Variants in RPGRIP1L observed in about 807,000 individuals in gnomAD.
RPGRIP1L encodes the protein protein fantom.
Under a neutral mutation model 160.4 loss-of-function variants are expected in RPGRIP1L, and 131 were observed. That is an observed-to-expected ratio of 0.82 (90% CI 0.71 to 0.94). The LOEUF (loss-of-function observed/expected upper bound fraction) is 0.94, where lower values mean the gene tolerates loss of function less well. Ranked by LOEUF, RPGRIP1L falls within the 40% of genes least tolerant of loss-of-function variation. RPGRIP1L has a pLI of 0.00. For synonymous variants in RPGRIP1L, 510 were observed against 515.8 expected (o/e 0.99, Z 0.15); for missense variants, 1,522 against 1,535.8 (o/e 0.99, Z 0.15).
chr16:53,675,168 CA>C, intron 6 of RPGRIP1L, 46 bp from the exon 7 acceptor site: 1 of 1,306,018 alleles, frequency 7.7e-7, no homozygotes, highest in Non-Finnish European at 1.1e-6. Flanking sequence ...GTAAAAAACG[CA>C]AGTTAGAAGA....
Position 53,658,791 on chromosome 16 carries a change from C to A in RPGRIP1L, c.1331G>T (p.Arg444Leu), listed in dbSNP as rs76600508. The change falls in exon 11 of 27, where the codon CGC becomes CTC. Residue 444 changes from arginine to leucine, a missense_variant. Arg to Leu is a moderately radical substitution (Grantham distance 102). Transcript: ENST00000647211. Reference protein sequence around the residue: ...QKQQLDELKKRIKLYNQENDI... With the variant: ...QKQQLDELKKLIKLYNQENDI... ...ATTCACCTGGTTGTACAATTTTATG[C>A]GTTTTTTAAGTTCATCAAGTTGTTG... 1 of 1,600,440 alleles carries A rather than the reference C, an allele frequency of 6.2e-7. No homozygotes were observed. Among genetic ancestry groups the A allele is most frequent in the Non-Finnish European group, 8.5e-7 (1 of 1,170,438 alleles).
chr16:53,640,951 C>A (rs371638076), intron 19 of RPGRIP1L, 82 bp downstream of exon 19: 6 of 960,580 alleles, frequency 6.2e-6, no homozygotes, highest in African/African-American at 1.6e-5. Flanking sequence ...CCATTTAAAT[C>A]AGGTAGGGAA....
intron 2 of RPGRIP1L, among the ~76,000 whole-genome samples, chr16:53,699,800 A>G (rs1006758082): frequency 1.4e-5 from 2 of 145,028 alleles, no homozygotes; most frequent in African/African-American, 5.4e-5. Context: ...CCTGGGCGAC[A>G]GAGCGAGACT....
rs751839339 is a variant in RPGRIP1L at position 53,664,864 on chromosome 16, A to G, written c.1243+6T>C. ...ATGAGTAAGGCAGTGGTTATTTCAAATGTACCTCTTTCAGTTTTTAATCTG... is the reference window on the plus strand; with the variant it reads ...ATGAGTAAGGCAGTGGTTATTTCAAGTGTACCTCTTTCAGTTTTTAATCTG... On this transcript the variant is annotated splice_donor_region_variant and intron_variant, in intron 10 of 26. Coordinates refer to ENST00000647211, the MANE Select transcript of RPGRIP1L (RefSeq NM_015272.5). The G allele has an allele frequency of 7.5e-6, 12 of 1,609,112 alleles. No individual in the cohort carries two copies. Among genetic ancestry groups the G allele is most frequent in the Non-Finnish European group, 1.0e-5 (12 of 1,179,722 alleles).
intron 22 of RPGRIP1L, among the ~76,000 whole-genome samples, chr16:53,629,521 T>G (rs977777067): frequency 6.6e-6 from 1 of 152,220 alleles, no homozygotes; most frequent in Non-Finnish European, 1.5e-5. Context: ...CTTCCATCCA[T>G]GGAGACTTCT....
intron 4 of RPGRIP1L, 22 bp downstream of exon 4, chr16:53,692,044 T>C: frequency 6.2e-7 from 1 of 1,611,686 alleles, no homozygotes; most frequent in Non-Finnish European, 8.5e-7. Context: ...TCAGTTTAGA[T>C]TTAACGTAAG....
At chr16:53,608,568 T>G (rs1025834001) in intron 25 of RPGRIP1L, among the ~76,000 whole-genome samples, 2 of 152,160 alleles carry the variant, frequency 1.3e-5, no homozygotes, top group African/African-American at 2.4e-5. Context: ...ACGTGTATAT[T>G]TGCAAATATA....
At chr16:53,665,099 C>A in intron 9 of RPGRIP1L, 90 bp from the exon 10 acceptor site, 1 of 1,444,154 alleles carries the variant, frequency 6.9e-7, no homozygotes, top group South Asian at 1.2e-5. Flanking sequence ...GCGCAGAGAC[C>A]ACTGTCATCA....
chr16:53,659,254 CTT>C, intron 10 of RPGRIP1L: 1 of 909,346 alleles, frequency 1.1e-6, no homozygotes, highest in Non-Finnish European at 1.3e-6. Flanking sequence ...AAAAAATTGT[CTT>C]TTAGTTTTTT....
At position 53,600,939 on chromosome 16, in the gene RPGRIP1L, T is replaced by C. The variant is rs1963351076; in HGVS notation, c.*1137A>G. ...CTTTACATATGCTTAAGAAGGAACA[T>C]AGCCTGTTTGCAAACAGTGAAAACC... On this transcript the variant is annotated 3_prime_UTR_variant, in exon 27 of 27. Transcript: ENST00000647211. 6.6e-6 allele frequency: 1 copy of C among 152,618 alleles called. No individual in the cohort carries two copies. The allele number at this position is 152,618 out of a possible 1,614,324, so 9.5% of individuals were successfully genotyped here.
At chr16:53,659,062 G>A in intron 10 of RPGRIP1L, 184 bp from the exon 11 acceptor site, 1 of 629,458 alleles carries the variant, frequency 1.6e-6, no homozygotes, top group South Asian at 2.0e-5. Context: ...ACACTATCAT[G>A]TGTCTACCAT....
In RPGRIP1L at chr16:53,695,520, T is replaced by C. The variant is rs1005199223; in HGVS notation, c.230+631A>G. 6 of 667,046 alleles carry C rather than the reference T, an allele frequency of 9.0e-6. No individual in the cohort carries two copies. The Middle Eastern group carries it at 7.8e-4, about 87-fold the overall frequency. 41.3% of individuals were successfully genotyped at this position (667,046 alleles called of 1,614,324 possible). A position where few individuals can be genotyped will look rare whatever the true frequency, so the allele number is the denominator to read the frequency against. ...TACACATCTGAACACACTTTGTTTTTAATGCCTTCCCCTCAGAAAATAGGC... is the reference window on the plus strand; with the variant it reads ...TACACATCTGAACACACTTTGTTTTCAATGCCTTCCCCTCAGAAAATAGGC... On this transcript the variant is annotated intron_variant, in intron 3 of 26. Transcript: ENST00000647211.
At chr16:53,646,238 G>A (rs926719313) in intron 16 of RPGRIP1L, among the ~76,000 whole-genome samples, 16 of 152,134 alleles carry the variant, frequency 1.1e-4, no homozygotes, top group African/African-American at 2.9e-4. Context: ...TACATGTAGC[G>A]ATTGGTGCTA....
In RPGRIP1L at chr16:53,692,078, A is replaced by C; in HGVS notation, c.517T>G (p.Cys173Gly). Residue 173 changes from cysteine (C) to glycine (G), a missense_variant, in exon 4 of 27, where the codon TGC becomes GGC. Transcript: ENST00000647211. Reference sequence around the variant, plus strand: ...AGCTTTGTTTTACCTTTCCTGGGGCATTCCTGTAAACCAGCATTTTCATTT... The same window carrying C: ...AGCTTTGTTTTACCTTTCCTGGGGCCTTCCTGTAAACCAGCATTTTCATTT... ...KANENAGLQE[C>G]PRKGIKFQDA... 1.2e-6 allele frequency: 2 copies of C among 1,614,050 alleles called. No individual in the cohort carries two copies. The highest frequency in any genetic ancestry group is 2.2e-5 in the South Asian group (2 of 91,078).
chr16:53,690,131 CTTTT>C (rs995332596), intron 4 of RPGRIP1L, among the ~76,000 whole-genome samples: 5 of 152,086 alleles, frequency 3.3e-5, no homozygotes, highest in African/African-American at 1.2e-4. Flanking sequence ...AGAAACAAAA[CTTTT>C]TTTGTGTTAA....
Position 53,600,453 on chromosome 16 carries a change from G to A in RPGRIP1L, c.*1623C>T, listed in dbSNP as rs1963331993. ...GGATGAGAGCAAGATTCTTCTCGGA[G>A]ATGGCAGGCCCCAGGACAGGGAGGC... On this transcript the variant is annotated 3_prime_UTR_variant, in exon 27 of 27. Coordinates refer to ENST00000647211, the MANE Select transcript of RPGRIP1L (RefSeq NM_015272.5). 6.5e-6 allele frequency: 1 copy of A among 152,674 alleles called. No homozygotes were observed. Among genetic ancestry groups the A allele is most frequent in the Admixed American group, 6.5e-5 (1 of 15,274 alleles). 9.5% of individuals were successfully genotyped at this position (152,674 alleles called of 1,614,324 possible). A position where few individuals can be genotyped will look rare whatever the true frequency, so the allele number is the denominator to read the frequency against.
intron 2 of RPGRIP1L, among the ~76,000 whole-genome samples, chr16:53,700,263 C>T (rs764995577): frequency 2.0e-5 from 3 of 152,182 alleles, no homozygotes; most frequent in Admixed American, 6.5e-5. Flanking sequence ...ACTTAAAATA[C>T]GGCCTTTCCT....
chr16:53,603,544 G>T (rs1963494057), intron 26 of RPGRIP1L, among the ~76,000 whole-genome samples: 1 of 152,052 alleles, frequency 6.6e-6, no homozygotes, highest in Non-Finnish European at 1.5e-5. Flanking sequence ...TGCCCAGGTT[G>T]GTCTTAAAAC....
At position 53,696,246 on chromosome 16, in the gene RPGRIP1L, G is replaced by C; in HGVS notation, c.135C>G (p.Val45=). Residue 45 remains valine, a synonymous_variant, in exon 3 of 27, where the codon GTC becomes GTG. Coordinates refer to ENST00000647211, the MANE Select transcript of RPGRIP1L (RefSeq NM_015272.5). Reference sequence around the variant, plus strand: ...ATCTGTCTTCCAGTTCCTCACGACTGACACGTGACACTGCCTGGCGAGACT... The same window carrying C: ...ATCTGTCTTCCAGTTCCTCACGACTCACACGTGACACTGCCTGGCGAGACT... ...TMKSRQAVSR[V]SREELEDRFL... The C allele has an allele frequency of 6.2e-7, 1 of 1,613,976 alleles. No individual in the cohort carries two copies. The highest frequency in any genetic ancestry group is 8.5e-7 in the Non-Finnish European group (1 of 1,179,910).
Sources: allele counts gnomAD v4.1 joint callset (sites outside exome capture counted in the v4.1 genomes callset), GRCh38; gene constraint gnomAD v4.1.1; transcripts MANE v1.5; gene names NCBI Gene and HGNC (gene_info 2026-07-23, HGNC 2026-07-21).